Variants in SGCZ observed in about 807,000 individuals in gnomAD.
SGCZ encodes the protein sarcoglycan zeta.
Under a neutral mutation model 41.3 loss-of-function variants are expected in SGCZ, and 40 were observed. That is an observed-to-expected ratio of 0.97 (90% CI 0.75 to 1.26). The LOEUF is 1.26. Ranked by LOEUF, SGCZ falls within the 50% of genes most tolerant of loss-of-function variation. SGCZ has a pLI of 0.00. For synonymous variants in SGCZ, 206 were observed against 137.5 expected (o/e 1.50, Z -3.49); for missense variants, 552 against 369.8 (o/e 1.49, Z -4.04).
chr8:15,127,495 C>T (rs1448694976), intron 1 of SGCZ, among the ~76,000 whole-genome samples: 1 of 152,132 alleles, frequency 6.6e-6, no homozygotes, highest in African/African-American at 2.4e-5. Context: ...TCTTTGGGAA[C>T]TGTTACAGGA....
intron 1 of SGCZ, among the ~76,000 whole-genome samples, chr8:14,904,038 A>C (rs1157702411): frequency 1.3e-5 from 2 of 152,090 alleles, no homozygotes; most frequent in African/African-American, 4.8e-5. Context: ...AAAGTCAACT[A>C]AAGGAAATAA....
chr8:15,050,306 G>A (rs1351194368), intron 1 of SGCZ, among the ~76,000 whole-genome samples: 1 of 152,152 alleles, frequency 6.6e-6, no homozygotes. Context: ...AAAGATACAT[G>A]AACTTGTAGT....
At chr8:15,214,549 C>G (rs969679764) in intron 1 of SGCZ, among the ~76,000 whole-genome samples, 2 of 151,926 alleles carry the variant, frequency 1.3e-5, no homozygotes, top group Admixed American at 6.6e-5. Context: ...AATCTGAAAC[C>G]TCTGCACTGT....
rs66667974 is a variant in SGCZ at position 14,975,809 on chromosome 8, ATG to A, written c.39+261774_39+261775del. Among the ~76,000 whole-genome samples, 1,190 of 131,796 alleles carry A rather than the reference ATG, an allele frequency of 9.0e-3. 15 individuals are homozygous for A. The highest frequency in any genetic ancestry group is 0.025 in the African/African-American group (739 of 29,560). 86.5% of individuals were successfully genotyped at this position (131,796 alleles called of 152,430 possible). ...CACTTTTATATATATATATATATAT[ATG>A]TGTGTGTGTGTGTAGAAATAGTTAT... is the stretch of plus-strand genomic sequence containing the variant. On this transcript the variant is annotated intron_variant, in intron 1 of 7. Transcript: ENST00000382080.
chr8:14,742,597 A>G (rs568863380), intron 1 of SGCZ, among the ~76,000 whole-genome samples: 9 of 152,188 alleles, frequency 5.9e-5, no homozygotes, highest in African/African-American at 2.2e-4. Flanking sequence ...ATTTAATAAA[A>G]TTGTACCTAT....
At position 14,831,678 on chromosome 8, in the gene SGCZ, A is replaced by G. The variant is rs151253969; in HGVS notation, c.40-276752T>C. Among the ~76,000 whole-genome samples, 6 of 152,008 alleles carry G rather than the reference A, an allele frequency of 3.9e-5. No homozygotes were observed. The East Asian group carries it at 9.7e-4, about 25-fold the overall frequency. On this transcript the variant is annotated intron_variant, in intron 1 of 7. Coordinates refer to ENST00000382080, the MANE Select transcript of SGCZ (RefSeq NM_139167.4). ...TATATATACATACACTTGTCTCAGT[A>G]TACAATTATACTAAAACATTTTTTC...
chr8:15,102,881 A>G (rs1047581567), intron 1 of SGCZ, among the ~76,000 whole-genome samples: 1 of 152,088 alleles, frequency 6.6e-6, no homozygotes, highest in South Asian at 2.1e-4. Flanking sequence ...CTTACCAGGA[A>G]CTCTTTAGTC....
chr8:14,768,536 G>T (rs1040677569), intron 1 of SGCZ, among the ~76,000 whole-genome samples: 1 of 152,158 alleles, frequency 6.6e-6, no homozygotes, highest in Non-Finnish European at 1.5e-5. Flanking sequence ...GGGCAAATTT[G>T]GATGAAAGGA....
intron 1 of SGCZ, among the ~76,000 whole-genome samples, chr8:15,236,628 G>A (rs1802132717): frequency 6.6e-6 from 1 of 152,086 alleles, no homozygotes; most frequent in African/African-American, 2.4e-5. Context: ...GTATTTTGTG[G>A]TTTGTTGGTT....
intron 1 of SGCZ, among the ~76,000 whole-genome samples, chr8:14,752,841 C>T (rs1799540486): frequency 1.3e-5 from 2 of 152,110 alleles, no homozygotes; most frequent in East Asian, 1.9e-4. Flanking sequence ...GGAAAAACAG[C>T]TTATGCCAAA....
At chr8:14,412,172 A>G (rs1278921000) in intron 2 of SGCZ, among the ~76,000 whole-genome samples, 1 of 152,086 alleles carries the variant, frequency 6.6e-6, no homozygotes, top group Non-Finnish European at 1.5e-5. Flanking sequence ...AAAGATAACT[A>G]TGGGCTTTAG....
intron 1 of SGCZ, among the ~76,000 whole-genome samples, chr8:14,703,545 C>A (rs1433909090): frequency 1.3e-5 from 2 of 151,898 alleles, no homozygotes; most frequent in African/African-American, 2.4e-5. Flanking sequence ...ATATTTCATG[C>A]CAGCTACACA....
chr8:14,373,988 T>TA (rs200234950), intron 2 of SGCZ, among the ~76,000 whole-genome samples: 2 of 151,846 alleles, frequency 1.3e-5, no homozygotes, highest in African/African-American at 4.8e-5. Flanking sequence ...AAAATAAAAA[T>TA]AAAAAAATAC....
Position 15,103,309 on chromosome 8 carries a change from G to A in SGCZ, c.39+134276C>T, listed in dbSNP as rs766981217. On this transcript the variant is annotated intron_variant, in intron 1 of 7. Transcript: ENST00000382080. ...CCAGCTACTGGGGAGGCTGAGGCACGACAATCAGTTGAACCTGGGAGGCAG... is the reference window on the plus strand; with the variant it reads ...CCAGCTACTGGGGAGGCTGAGGCACAACAATCAGTTGAACCTGGGAGGCAG... Among the ~76,000 whole-genome samples the A allele has an allele frequency of 7.9e-5, 12 of 152,074 alleles. 1 individual carries two copies. Among genetic ancestry groups the A allele is most frequent in the South Asian group, 6.2e-4 (3 of 4,824 alleles).
At chr8:15,142,364 C>T (rs1016916125) in intron 1 of SGCZ, among the ~76,000 whole-genome samples, 3 of 152,004 alleles carry the variant, frequency 2.0e-5, no homozygotes, top group African/African-American at 7.3e-5. Flanking sequence ...ATATTTAATA[C>T]CAGATGTGGA....
At chr8:15,180,505 T>C (rs983336161) in intron 1 of SGCZ, among the ~76,000 whole-genome samples, 15 of 152,104 alleles carry the variant, frequency 9.9e-5, no homozygotes, top group Non-Finnish European at 1.9e-4. Context: ...GTAAATGCTC[T>C]CTTTGATCAA....
chr8:14,219,347 T>C (rs1028091253), intron 4 of SGCZ, among the ~76,000 whole-genome samples: 1 of 152,140 alleles, frequency 6.6e-6, no homozygotes, highest in African/African-American at 2.4e-5. Flanking sequence ...AACAAGTTGA[T>C]GAGATGCAAC....
intron 1 of SGCZ, among the ~76,000 whole-genome samples, chr8:15,177,470 C>T (rs553290384): frequency 3.9e-5 from 6 of 152,254 alleles, no homozygotes; most frequent in Admixed American, 2.6e-4. Context: ...ATGTTGACAA[C>T]ATCAACTATT....
intron 1 of SGCZ, among the ~76,000 whole-genome samples, chr8:14,987,467 C>A (rs944432360): frequency 1.3e-5 from 2 of 151,942 alleles, no homozygotes; most frequent in African/African-American, 2.4e-5. Context: ...AACTGATCAT[C>A]TTTCTGCTGT....
Sources: allele counts gnomAD v4.1 joint callset (sites outside exome capture counted in the v4.1 genomes callset), GRCh38; gene constraint gnomAD v4.1.1; transcripts MANE v1.5; gene names NCBI Gene and HGNC (gene_info 2026-07-23, HGNC 2026-07-21).